INSIG2: variants seen among roughly 807,000 people sequenced by gnomAD.
The protein encoded by INSIG2 is insulin-induced gene 2 protein.
A neutral mutation model predicts 27.2 loss-of-function variants in INSIG2; 10 were observed. The ratio of observed to expected loss-of-function variants is 0.37; its 90% CI spans 0.23 to 0.62. The LOEUF (loss-of-function observed/expected upper bound fraction) is 0.62. Ranked by LOEUF, INSIG2 falls within the 20% of genes least tolerant of loss-of-function variation. INSIG2 has a pLI of 0.65. For missense variants in INSIG2, 178 were observed against 270.2 expected (o/e 0.66, Z 2.39); for synonymous variants, 97 against 95.8 (o/e 1.01, Z -0.07).
intron 2 of INSIG2, among the ~76,000 whole-genome samples, chr2:118,101,089 TA>T (rs1404481523): frequency 6.6e-6 from 1 of 151,920 alleles, no homozygotes; most frequent in Non-Finnish European, 1.5e-5. Flanking sequence ...TTGTTTTTTT[TA>T]AAAAAAAGTA....
At chr2:118,089,603 TC>T (rs1166251006) in intron 1 of INSIG2, among the ~76,000 whole-genome samples, 3 of 152,228 alleles carry the variant, frequency 2.0e-5, no homozygotes, top group Non-Finnish European at 2.9e-5. Context: ...CGTGTGCTCT[TC>T]CTGTTTTCTG....
intron 3 of INSIG2, among the ~76,000 whole-genome samples, chr2:118,105,150 C>T (rs1001838709): frequency 6.6e-6 from 1 of 152,180 alleles, no homozygotes; most frequent in African/African-American, 2.4e-5. Flanking sequence ...ACGCCATTCT[C>T]CTGCCTCAGC....
At chr2:118,089,071 G>C (rs1404082248) in intron 1 of INSIG2, among the ~76,000 whole-genome samples, 1 of 152,200 alleles carries the variant, frequency 6.6e-6, no homozygotes, top group Non-Finnish European at 1.5e-5. Context: ...TATGGAATAG[G>C]TGTTTCGGTA....
chr2:118,105,023 T>C (rs569991902), intron 3 of INSIG2, among the ~76,000 whole-genome samples: 47 of 152,330 alleles, frequency 3.1e-4, no homozygotes, highest in African/African-American at 1.1e-3. Flanking sequence ...TTACTTAGAC[T>C]TTACAAAATC....
chr2:118,103,099 T>C (rs1351999216), intron 2 of INSIG2, 98 bp from the exon 3 acceptor site: 13 of 885,212 alleles, frequency 1.5e-5, no homozygotes, highest in Middle Eastern at 3.4e-4. Flanking sequence ...TTTTTAAGAA[T>C]CTTTAAAATG....
At position 118,109,243 on chromosome 2, in the gene INSIG2, A is replaced by C. The variant is rs1678753665; in HGVS notation, c.*921A>C. 1 of 152,166 alleles carries C rather than the reference A, an allele frequency of 6.6e-6. No homozygotes were observed. The allele number at this position is 152,166 out of a possible 1,614,324, so 9.4% of individuals were successfully genotyped here. A position where few individuals can be genotyped will look rare whatever the true frequency, so the allele number is the denominator to read the frequency against. Reference sequence around the variant, plus strand: ...CAAACAGATCACAATGAGGTTTCTAAATCTGTTGGGTTCTGTCTTCTATTG... The same window carrying C: ...CAAACAGATCACAATGAGGTTTCTACATCTGTTGGGTTCTGTCTTCTATTG... On this transcript the variant is annotated 3_prime_UTR_variant, in exon 6 of 6. Coordinates refer to ENST00000245787, the MANE Select transcript of INSIG2 (RefSeq NM_016133.4).
At chr2:118,097,413 A>G (rs1292066241) in intron 2 of INSIG2, among the ~76,000 whole-genome samples, 1 of 152,192 alleles carries the variant, frequency 6.6e-6, no homozygotes, top group Non-Finnish European at 1.5e-5. Context: ...TTCATGTTGT[A>G]TTTTTGTAAA....
At chr2:118,106,971 T>TC in intron 4 of INSIG2, 68 bp downstream of exon 4, 1 of 1,564,558 alleles carries the variant, frequency 6.4e-7, no homozygotes, top group Non-Finnish European at 8.8e-7. Flanking sequence ...GCTTTCAGAA[T>TC]TGAGATTATG....
rs1678732923 is a variant in INSIG2 at position 118,108,511 on chromosome 2, T to C, written c.*189T>C. On this transcript the variant is annotated 3_prime_UTR_variant, in exon 6 of 6. Transcript: ENST00000245787. ...TACTGCAATCTGTGATTGCTTCATC[T>C]GTAAATCAGTTGTAAACCTTTACAT... 2.1e-6 allele frequency: 1 copy of C among 469,662 alleles called. No homozygotes were observed. Among genetic ancestry groups the C allele is most frequent in the Admixed American group, 4.4e-5 (1 of 22,780 alleles). The allele number at this position is 469,662 out of a possible 1,614,324, so 29.1% of individuals were successfully genotyped here.
Position 118,096,676 on chromosome 2 carries a change from A to G in INSIG2, c.120A>G (p.Val40=). The change falls in exon 2 of 6, where the codon GTA becomes GTG. Residue 40 remains valine, a synonymous_variant. Transcript: ENST00000245787. ...GAGTAGTGCTATTTTTTATTGGAGT[A>G]TTTCTTGCATTAGTGTTAAATTTAC... is the stretch of plus-strand genomic sequence containing the variant. ...IRGVVLFFIG[V]FLALVLNLLQ... is the part of the protein sequence containing the mutation. 1 of 1,614,018 alleles carries G rather than the reference A, an allele frequency of 6.2e-7. No individual in the cohort carries two copies. The highest frequency in any genetic ancestry group is 8.5e-7 in the Non-Finnish European group (1 of 1,179,966).
intron 1 of INSIG2, among the ~76,000 whole-genome samples, chr2:118,095,242 G>A (rs933141035): frequency 9.2e-5 from 14 of 152,208 alleles, no homozygotes; most frequent in Non-Finnish European, 2.1e-4. Flanking sequence ...TGGGATAAAA[G>A]TAAATTACCT....
chr2:118,088,578 T>C, intron 1 of INSIG2, 37 bp downstream of exon 1: 1 of 152,942 alleles, frequency 6.5e-6, no homozygotes, highest in Non-Finnish European at 1.5e-5. Context: ...GCGGGTGACG[T>C]GGTGCTGAGG....
Position 118,106,748 on chromosome 2 carries a change from C to T in INSIG2, c.381C>T (p.Phe127=), listed in dbSNP as rs750529568. 56 of 1,612,810 alleles carry T rather than the reference C, an allele frequency of 3.5e-5. No homozygotes were observed. The highest frequency in any genetic ancestry group is 1.3e-4 in the South Asian group (12 of 90,822). The part of the protein sequence containing the change: ...GINHASAKVD[F]DNNIQLSLTL... ...AACACTGATCTCAGAAAGTGGATTT[C>T]GATAACAACATACAGTTGTCTCTCA... Residue 127 remains phenylalanine, a synonymous_variant, in exon 4 of 6, where the codon TTC becomes TTT. Coordinates refer to ENST00000245787, the MANE Select transcript of INSIG2 (RefSeq NM_016133.4).
At position 118,093,576 on chromosome 2, in the gene INSIG2, AGATGAT is replaced by A. The variant is rs746957859; in HGVS notation, c.-138-2831_-138-2826del. 9.2e-4 allele frequency among the ~76,000 whole-genome samples: 13 copies of A among 14,108 alleles called. 1 individual carries two copies. The highest frequency in any genetic ancestry group is 1.4e-3 in the Non-Finnish European group (9 of 6,508). 9.3% of individuals were successfully genotyped at this position (14,108 alleles called of 152,430 possible). ...CTACTGAACCTTGCTGAAAGCAACC[AGATGAT>A]GATGATGATGAGGAGGAGGAGGAGG... On this transcript the variant is annotated intron_variant, in intron 1 of 5. Transcript: ENST00000245787.
chr2:118,089,037 C>A (rs1011124424), intron 1 of INSIG2, among the ~76,000 whole-genome samples: 4 of 152,138 alleles, frequency 2.6e-5, no homozygotes, highest in African/African-American at 9.7e-5. Flanking sequence ...AATACTCTGG[C>A]ATTTTTGACT....
At chr2:118,105,198 A>G (rs966501974) in intron 3 of INSIG2, among the ~76,000 whole-genome samples, 3 of 150,836 alleles carry the variant, frequency 2.0e-5, no homozygotes, top group Non-Finnish European at 4.4e-5. Flanking sequence ...CTGCCACCAC[A>G]CCCGGTGAAT....
intron 5 of INSIG2, 69 bp from the exon 6 acceptor site, chr2:118,108,212 G>A (rs1678721985): frequency 3.9e-6 from 4 of 1,025,466 alleles, no homozygotes; most frequent in East Asian, 5.2e-5. Context: ...GAGCTTTTCA[G>A]TTTATTTGGA....
chr2:118,103,174 A>T, intron 2 of INSIG2, 23 bp from the exon 3 acceptor site: 8 of 1,606,500 alleles, frequency 5.0e-6, no homozygotes, highest in Non-Finnish European at 6.0e-6. Context: ...AGGTAACTTA[A>T]TTTTTTTCTT....
rs140256491 is a variant in INSIG2 at position 118,106,077 on chromosome 2, G to A, written c.370-660G>A. ...ACTGTCCTATACCAGAAAGTCTCAG[G>A]CACCAAAATAGCTTGGCAGGTTGTA... is the stretch of plus-strand genomic sequence containing the variant. On this transcript the variant is annotated intron_variant, in intron 3 of 5. Transcript: ENST00000245787. 3.0e-3 allele frequency among the ~76,000 whole-genome samples: 464 copies of A among 152,280 alleles called. 3 individuals are homozygous for A. The highest frequency in any genetic ancestry group is 0.011 in the African/African-American group (446 of 41,558).
Sources: allele counts gnomAD v4.1 joint callset (sites outside exome capture counted in the v4.1 genomes callset), GRCh38; gene constraint gnomAD v4.1.1; transcripts MANE v1.5; gene names NCBI Gene and HGNC (gene_info 2026-07-23, HGNC 2026-07-21).